Variants in FGF12 observed in about 807,000 individuals in gnomAD.
FGF12 encodes fibroblast growth factor 12B.
Under a neutral mutation model 23.6 loss-of-function variants are expected in FGF12, and 14 were observed. The ratio of observed to expected loss-of-function variants is 0.59; its 90% confidence interval spans 0.39 to 0.93. The LOEUF (loss-of-function observed/expected upper bound fraction) is 0.93, where lower values mean the gene tolerates loss of function less well. FGF12 is among the 40% of genes least tolerant of loss of function. The pLI is 0.00. For missense variants in FGF12, 175 were observed against 217.8 expected, an observed-to-expected ratio of 0.80 and a Z score of 1.24; for synonymous variants, 62 against 77.3, an observed-to-expected ratio of 0.80 and a Z score of 1.04.
In FGF12 at chr3:192,434,842, C is replaced by T. The variant is rs754764313; in HGVS notation, c.14-74304G>A. On this transcript the variant is annotated intron_variant, in intron 2 of 5. Transcript: ENST00000445105. ...TATGATCAGGATATTAAAAAAAAAA[C>T]AAGAAAGATAATCTAACTCATGATG... 8.6e-5 allele frequency among the ~76,000 whole-genome samples: 13 copies of T among 151,690 alleles called. No individual in the cohort carries two copies. The Middle Eastern group carries it at 0.014, about 159-fold the overall frequency.
chr3:192,695,430 T>C (rs116510574), intron 2 of FGF12, among the ~76,000 whole-genome samples: 2,953 of 152,292 alleles, frequency 0.019, 56 homozygotes, highest in Non-Finnish European at 0.03. Flanking sequence ...TCATTTTGCA[T>C]GTACATATAC....
At chr3:192,295,963 C>T (rs1376065429) in intron 4 of FGF12, among the ~76,000 whole-genome samples, 1 of 151,658 alleles carries the variant, frequency 6.6e-6, no homozygotes, top group East Asian at 1.9e-4. Context: ...CTCACTGCAA[C>T]CTCCATCTAC....
intron 2 of FGF12, among the ~76,000 whole-genome samples, chr3:192,411,700 G>C (rs924655317): frequency 6.6e-6 from 1 of 152,202 alleles, no homozygotes; most frequent in Non-Finnish European, 1.5e-5. Context: ...GACACAGATA[G>C]TACAGTGGGC....
At chr3:192,202,851 C>T (rs750509034) in intron 4 of FGF12, among the ~76,000 whole-genome samples, 14 of 152,038 alleles carry the variant, frequency 9.2e-5, no homozygotes, top group East Asian at 1.9e-4. Flanking sequence ...CAGCTCTCTA[C>T]GTGAAGCTGA....
intron 4 of FGF12, among the ~76,000 whole-genome samples, chr3:192,294,008 T>C (rs1714901534): frequency 6.6e-6 from 1 of 152,178 alleles, no homozygotes; most frequent in African/African-American, 2.4e-5. Context: ...GGGAGATAAT[T>C]GAATCATGGG....
intron 4 of FGF12, among the ~76,000 whole-genome samples, chr3:192,325,895 A>T (rs1716792948): frequency 6.6e-6 from 1 of 152,262 alleles, no homozygotes; most frequent in South Asian, 2.1e-4. Flanking sequence ...CCTCGAGTAA[A>T]CTTTACATGC....
At chr3:192,372,916 C>T (rs1719301043) in intron 2 of FGF12, among the ~76,000 whole-genome samples, 1 of 152,184 alleles carries the variant, frequency 6.6e-6, no homozygotes, top group African/African-American at 2.4e-5. Context: ...GCTCTAGGCA[C>T]ATGTGCCCTC....
chr3:192,712,138 G>C (rs376928225), intron 2 of FGF12, among the ~76,000 whole-genome samples: 1 of 151,456 alleles, frequency 6.6e-6, no homozygotes, highest in Admixed American at 6.6e-5. Context: ...AGATAAACTT[G>C]AGCCCATAAT....
chr3:192,192,701 A>T (rs1207769199), intron 4 of FGF12, among the ~76,000 whole-genome samples: 1 of 151,952 alleles, frequency 6.6e-6, no homozygotes, highest in Non-Finnish European at 1.5e-5. Context: ...ACAAAGAAAT[A>T]GGTCCTGAGT....
At chr3:192,560,980 AAGT>A (rs1402165153) in intron 2 of FGF12, among the ~76,000 whole-genome samples, 1 of 152,220 alleles carries the variant, frequency 6.6e-6, no homozygotes, top group Non-Finnish European at 1.5e-5. Context: ...AAAAGGAATA[AAGT>A]ATTGACTCAT....
At chr3:192,661,503 T>G (rs1318748241) in intron 2 of FGF12, among the ~76,000 whole-genome samples, 3 of 152,144 alleles carry the variant, frequency 2.0e-5, no homozygotes, top group Admixed American at 2.0e-4. Flanking sequence ...CCAGCCTGGG[T>G]GACAGAGTGA....
intron 2 of FGF12, among the ~76,000 whole-genome samples, chr3:192,534,924 T>C (rs1471921205): frequency 6.6e-6 from 1 of 152,182 alleles, no homozygotes; most frequent in Non-Finnish European, 1.5e-5. Flanking sequence ...TAAGTTTCAG[T>C]GGATACTTTG....
intron 4 of FGF12, among the ~76,000 whole-genome samples, chr3:192,296,585 C>A (rs1715055477): frequency 6.6e-6 from 1 of 152,010 alleles, no homozygotes; most frequent in African/African-American, 2.4e-5. Context: ...AATACAACAT[C>A]CTAAAACATG....
At chr3:192,242,612 A>G (rs1719680517) in intron 4 of FGF12, among the ~76,000 whole-genome samples, 1 of 152,172 alleles carries the variant, frequency 6.6e-6, no homozygotes, top group African/African-American at 2.4e-5. Context: ...TGAAACCTGA[A>G]TATAAAGCAT....
At chr3:192,653,599 T>C (rs1426265493) in intron 2 of FGF12, among the ~76,000 whole-genome samples, 3 of 152,244 alleles carry the variant, frequency 2.0e-5, no homozygotes, top group African/African-American at 4.8e-5. Context: ...AATTAGTTCC[T>C]GTATGTCCTG....
At chr3:192,561,261 C>T (rs969727670) in intron 2 of FGF12, among the ~76,000 whole-genome samples, 9 of 151,970 alleles carry the variant, frequency 5.9e-5, no homozygotes, top group Non-Finnish European at 7.4e-5. Flanking sequence ...TGAACAGGCA[C>T]GTCAGAACAG....
chr3:192,245,585 C>CAATT (rs1351190946), intron 4 of FGF12, among the ~76,000 whole-genome samples: 7 of 152,182 alleles, frequency 4.6e-5, no homozygotes, highest in African/African-American at 1.7e-4. Flanking sequence ...TAATGGCCAT[C>CAATT]AATTACATGC....
chr3:192,640,795 T>TTTTGTTTG (rs139763676), intron 2 of FGF12, among the ~76,000 whole-genome samples: 13 of 150,134 alleles, frequency 8.7e-5, no homozygotes, highest in South Asian at 4.3e-4. Context: ...AACCCCTTTT[T>TTTTGTTTG]TTTGTTTGTT....
At position 192,702,376 on chromosome 3, in the gene FGF12, A is replaced by G. The variant is rs185070387; in HGVS notation, c.13+24805T>C. Among the ~76,000 whole-genome samples the G allele has an allele frequency of 2.1e-3, 323 of 152,374 alleles. 1 individual carries two copies. Among genetic ancestry groups the G allele is most frequent in the Non-Finnish European group, 3.0e-3 (207 of 68,034 alleles). On this transcript the variant is annotated intron_variant, in intron 2 of 5. Transcript: ENST00000445105. ...TGTGATCACAAACAAATGTGCTATA[A>G]GTGTTAGAGAAATTCACCTTGAAAA...
Sources: allele counts gnomAD v4.1 joint callset (sites outside exome capture counted in the v4.1 genomes callset), GRCh38; gene constraint gnomAD v4.1.1; transcripts MANE v1.5; gene names NCBI Gene and HGNC (gene_info 2026-07-23, HGNC 2026-07-21).